Variants in PHF21A observed in about 807,000 individuals in gnomAD.
PHF21A encodes the protein BHC80a.
Under a neutral mutation model 82.5 loss-of-function variants are expected in PHF21A, and 11 were observed. That is an observed-to-expected ratio of 0.13 (90% confidence interval 0.08 to 0.22). PHF21A has a LOEUF of 0.22. Among genes scored for constraint, PHF21A ranks in the 10% least tolerant of loss-of-function variants. The pLI, the probability that PHF21A is intolerant of heterozygous loss-of-function variation, is 1.00. For missense variants in PHF21A, 579 were observed against 837.8 expected (o/e 0.69, Z 3.81); for synonymous variants, 297 against 302.8 (o/e 0.98, Z 0.20).
In PHF21A at chr11:45,978,311, TAACAAAAAAACAAACA is replaced by T. The variant is rs1412315368; in HGVS notation, c.360+1433_360+1448del. Among the ~76,000 whole-genome samples, 6 of 150,692 alleles carry T rather than the reference TAACAAAAAAACAAACA, an allele frequency of 4.0e-5. No individual in the cohort carries two copies. In the South Asian group the frequency reaches 6.4e-4, roughly 16 times the overall value. On this transcript the variant is annotated intron_variant, in intron 7 of 18. Coordinates refer to ENST00000676320, the MANE Select transcript of PHF21A (RefSeq NM_001352027.3). Reference sequence around the variant, plus strand: ...GTGAGACTCCGTCTCAAAAAAACAATAACAAAAAAACAAACAAACAAAAAAACAGAGATGGTAATAA... The same window carrying T: ...GTGAGACTCCGTCTCAAAAAAACAATAACAAAAAAACAGAGATGGTAATAA...
chr11:45,966,392 A>G (rs1323308179), intron 9 of PHF21A, among the ~76,000 whole-genome samples: 5 of 151,680 alleles, frequency 3.3e-5, no homozygotes, highest in Admixed American at 1.3e-4. Flanking sequence ...TTCCTACCCC[A>G]CCCTCTACTC....
chr11:46,021,951 G>C (rs546963349), intron 6 of PHF21A, among the ~76,000 whole-genome samples: 24 of 152,208 alleles, frequency 1.6e-4, no homozygotes, highest in African/African-American at 5.8e-4. Flanking sequence ...AGAAAATACA[G>C]GCATTGCACT....
chr11:46,092,810 T>C (rs2096941778), intron 1 of PHF21A, among the ~76,000 whole-genome samples: 1 of 144,304 alleles, frequency 6.9e-6, no homozygotes. Flanking sequence ...CAGGCTCAAG[T>C]GCAGTGGCAC....
At chr11:46,106,789 G>A (rs1379960344) in intron 1 of PHF21A, among the ~76,000 whole-genome samples, 2 of 152,332 alleles carry the variant, frequency 1.3e-5, no homozygotes, top group East Asian at 1.9e-4. Context: ...ATCTCAATGG[G>A]AGTAGAAGCT....
At chr11:45,988,174 T>C (rs1441321056) in intron 6 of PHF21A, among the ~76,000 whole-genome samples, 1 of 152,192 alleles carries the variant, frequency 6.6e-6, no homozygotes. Context: ...GGAAGTCACA[T>C]TTTCACAGAA....
intron 6 of PHF21A, among the ~76,000 whole-genome samples, chr11:46,069,143 T>C (rs1185256880): frequency 6.6e-6 from 1 of 152,194 alleles, no homozygotes; most frequent in Admixed American, 6.5e-5. Flanking sequence ...TTGCAGCCAG[T>C]TATTTCTGAG....
At chr11:46,084,066 A>C (rs549278829) in intron 4 of PHF21A, 100 bp downstream of exon 4, 209 of 873,268 alleles carry the variant, frequency 2.4e-4, no homozygotes, top group Non-Finnish European at 3.4e-4. Flanking sequence ...AATTGTCTTA[A>C]AGATTATTAA....
chr11:46,045,428 G>A (rs2096242364), intron 6 of PHF21A, among the ~76,000 whole-genome samples: 1 of 152,152 alleles, frequency 6.6e-6, no homozygotes, highest in Non-Finnish European at 1.5e-5. Flanking sequence ...GGTAGAGAAA[G>A]AACAGAGAGG....
chr11:45,947,579 C>CT (rs1257563310), intron 14 of PHF21A, among the ~76,000 whole-genome samples: 1 of 152,162 alleles, frequency 6.6e-6, no homozygotes, highest in Non-Finnish European at 1.5e-5. Context: ...TGTTTACCCA[C>CT]AAAAGGCATA....
intron 6 of PHF21A, among the ~76,000 whole-genome samples, chr11:46,058,361 T>C (rs1431343929): frequency 2.6e-5 from 4 of 152,152 alleles, no homozygotes; most frequent in African/African-American, 9.7e-5. Flanking sequence ...GATTAAGACT[T>C]TGAAAGGATA....
chr11:46,013,456 A>G (rs1161347121), intron 6 of PHF21A, among the ~76,000 whole-genome samples: 2 of 152,154 alleles, frequency 1.3e-5, no homozygotes, highest in African/African-American at 2.4e-5. Context: ...GTGATGTAAT[A>G]TTTTTGGGCC....
intron 9 of PHF21A, among the ~76,000 whole-genome samples, chr11:45,968,931 CAAAAAAAA>C (rs59583388): frequency 3.5e-5 from 3 of 85,668 alleles, no homozygotes; most frequent in Admixed American, 1.1e-4. Flanking sequence ...AACTCCATTG[CAAAAAAAA>C]AAAAAAAAAA....
At position 46,092,016 on chromosome 11, in the gene PHF21A, T is replaced by C. The variant is rs146960517; in HGVS notation, c.-196+167A>G. On this transcript the variant is annotated intron_variant, in intron 2 of 18. Transcript: ENST00000676320. Reference sequence around the variant, plus strand: ...CAGAAACACAAATGCGTTTGAAGTATAGCTACGTGAAATTAGACAATTCAT... The same window carrying C: ...CAGAAACACAAATGCGTTTGAAGTACAGCTACGTGAAATTAGACAATTCAT... Among the ~76,000 whole-genome samples the C allele has an allele frequency of 2.3e-3, 352 of 151,756 alleles. 1 individual carries two copies. Among genetic ancestry groups the C allele is most frequent in the Admixed American group, 3.5e-3 (54 of 15,222 alleles).
Position 45,931,667 on chromosome 11 carries a change from T to C in PHF21A, c.*2301A>G, listed in dbSNP as rs1010992880. The C allele has an allele frequency of 2.1e-4, 32 of 152,262 alleles. No individual in the cohort carries two copies. The highest frequency in any genetic ancestry group is 6.5e-4 in the African/African-American group (27 of 41,444). 9.4% of individuals were successfully genotyped at this position (152,262 alleles called of 1,614,324 possible). Reference sequence around the variant, plus strand: ...CCTAATTGGGTGGGAGAGAAGCTGATAGGATCGTTTCTACCTCTCCTAGAC... The same window carrying C: ...CCTAATTGGGTGGGAGAGAAGCTGACAGGATCGTTTCTACCTCTCCTAGAC... On this transcript the variant is annotated 3_prime_UTR_variant, in exon 19 of 19. Coordinates refer to ENST00000676320, the MANE Select transcript of PHF21A (RefSeq NM_001352027.3).
chr11:45,984,196 A>C (rs1019676238), intron 6 of PHF21A, among the ~76,000 whole-genome samples: 4 of 152,204 alleles, frequency 2.6e-5, no homozygotes, highest in Non-Finnish European at 5.9e-5. Flanking sequence ...GGAAAGAACA[A>C]AGACGGAAGG....
intron 6 of PHF21A, among the ~76,000 whole-genome samples, chr11:46,044,977 C>T (rs542459213): frequency 6.6e-6 from 1 of 152,328 alleles, no homozygotes; most frequent in East Asian, 1.9e-4. Flanking sequence ...TCATTTAAGG[C>T]CTTCTAGTAC....
intron 11 of PHF21A, among the ~76,000 whole-genome samples, chr11:45,951,574 C>A (rs548845766): frequency 3.3e-4 from 51 of 152,318 alleles, no homozygotes; most frequent in Admixed American, 2.9e-3. Flanking sequence ...TGGTTGCCAA[C>A]TAACTACATT....
intron 6 of PHF21A, among the ~76,000 whole-genome samples, chr11:46,021,082 C>G (rs938855205): frequency 6.8e-6 from 1 of 147,420 alleles, no homozygotes; most frequent in Non-Finnish European, 1.5e-5. Flanking sequence ...AAAAGAGAGA[C>G]AAGGTCTTAC....
chr11:46,095,188 C>CAA (rs67219578), intron 1 of PHF21A, among the ~76,000 whole-genome samples: 61 of 150,698 alleles, frequency 4.0e-4, no homozygotes, highest in East Asian at 9.7e-4. Flanking sequence ...TGGAAATTGT[C>CAA]AAAAAAAAAG....
Sources: gnomAD v4.1 joint callset for allele counts (sites outside exome capture counted in the v4.1 genomes callset) on GRCh38, gnomAD v4.1.1 for gene constraint, MANE v1.5 for transcripts, NCBI Gene and HGNC (gene_info 2026-07-23, HGNC 2026-07-21) for gene names.